Variants in CCDC92B observed in about 807,000 individuals in gnomAD.
CCDC92B encodes the protein coiled-coil domain-containing 92B.
CCDC92B carries 2 observed loss-of-function variants against 5.6 expected under a neutral mutation model. That is an observed-to-expected ratio of 0.36 (90% CI 0.15 to 1.12). The LOEUF is 1.12. Ranked by LOEUF, CCDC92B falls within the 50% of genes most tolerant of loss-of-function variation. The pLI, the probability that CCDC92B is intolerant of heterozygous loss-of-function variation, is 0.40. For missense variants in CCDC92B, 271 were observed against 262.2 expected, an observed-to-expected ratio of 1.03 and a Z score of -0.23; for synonymous variants, 115 against 122.3, an observed-to-expected ratio of 0.94 and a Z score of 0.39.
Position 2,724,614 on chromosome 17 carries a change from G to A in CCDC92B, c.565C>T (p.Arg189Trp), listed in dbSNP as rs1426843786. The change falls in exon 4 of 4, where the codon CGG (arginine) becomes TGG (tryptophan). Residue 189 changes from arginine to tryptophan, a missense_variant. Arg to Trp is a moderately radical substitution (Grantham distance 101). Coordinates refer to ENST00000614400, the MANE Select transcript of CCDC92B (RefSeq NM_001355573.2). The surrounding 1 kb of genome is among the most constrained non-coding windows in gnomAD (Gnocchi z 5.0). ...AHEAAAKGPG[R>W]DWAAWDRGAG... Reference sequence around the variant, plus strand: ...CCGCGGTCCCAGGCGGCCCAGTCCCGGCCGGGGCCCTTGGCGGCGGCCTCG... The same window carrying A: ...CCGCGGTCCCAGGCGGCCCAGTCCCAGCCGGGGCCCTTGGCGGCGGCCTCG... 1 of 981,722 alleles carries A rather than the reference G, an allele frequency of 1.0e-6. No homozygotes were observed. Among genetic ancestry groups the A allele is most frequent in the Non-Finnish European group, 1.2e-6 (1 of 828,342 alleles). 60.8% of individuals were successfully genotyped at this position (981,722 alleles called of 1,614,324 possible). A position where few individuals can be genotyped will look rare whatever the true frequency, so the allele number is the denominator to read the frequency against.
chr17:2,727,315 A>G (rs1597233593), intron 3 of CCDC92B, among the ~76,000 whole-genome samples: 3 of 152,134 alleles, frequency 2.0e-5, no homozygotes, highest in South Asian at 4.1e-4. Flanking sequence ...TGAAAGACCA[A>G]TTGCACCAGC....
chr17:2,724,128 G>A lies in CCDC92B; in HGVS notation c.*283C>T. 1.0e-6 allele frequency: 1 copy of A among 985,374 alleles called. No individual in the cohort carries two copies. The highest frequency in any genetic ancestry group is 1.7e-5 in the African/African-American group (1 of 57,354). 61.0% of individuals were successfully genotyped at this position (985,374 alleles called of 1,614,324 possible). A position where few individuals can be genotyped will look rare whatever the true frequency, so the allele number is the denominator to read the frequency against. ...GCCCCTCCTGTCTCACAGGCAGGTGGGACCAGGCCAGGATCGGGACGGCGA... is the reference window on the plus strand; with the variant it reads ...GCCCCTCCTGTCTCACAGGCAGGTGAGACCAGGCCAGGATCGGGACGGCGA... On this transcript the variant is annotated 3_prime_UTR_variant, in exon 4 of 4. Transcript: ENST00000614400. This position sits in a 1 kb window ranked among gnomAD's most constrained non-coding sequence, Gnocchi z 5.0.
chr17:2,735,524 G>A (rs887588098), intron 1 of CCDC92B, among the ~76,000 whole-genome samples: 4 of 152,236 alleles, frequency 2.6e-5, no homozygotes, highest in African/African-American at 9.6e-5. Flanking sequence ...TCCACCTCCT[G>A]GGTTCAAGCA....
chr17:2,736,457 AAGAAATAGGCC>A (rs1474527739), intron 1 of CCDC92B, among the ~76,000 whole-genome samples: 3 of 151,612 alleles, frequency 2.0e-5, no homozygotes, highest in African/African-American at 7.3e-5. Flanking sequence ...AATTAAATTA[AAGAAATAGGCC>A]AGCCGTGGTG....
chr17:2,736,920 T>C (rs1251482528), intron 1 of CCDC92B, among the ~76,000 whole-genome samples: 1 of 147,068 alleles, frequency 6.8e-6, no homozygotes, highest in African/African-American at 2.7e-5. Context: ...ATAAAATACA[T>C]ACATACATAT....
At chr17:2,748,342 G>C in intron 1 of CCDC92B, 1 of 978,924 alleles carries the variant, frequency 1.0e-6, no homozygotes, top group Non-Finnish European at 1.2e-6. Context: ...AAGATGGAAC[G>C]ACTCTCTCCC....
intron 2 of CCDC92B, among the ~76,000 whole-genome samples, chr17:2,734,053 C>T (rs1216425463): frequency 6.6e-6 from 1 of 152,100 alleles, no homozygotes; most frequent in African/African-American, 2.4e-5. Context: ...AGCCACCGTG[C>T]CTGGCCTCCA....
Position 2,724,729 on chromosome 17 carries a change from T to C in CCDC92B, c.450A>G (p.Arg150=). 3 of 984,032 alleles carry C rather than the reference T, an allele frequency of 3.0e-6. No individual in the cohort carries two copies. The highest frequency in any genetic ancestry group is 3.6e-6 in the Non-Finnish European group (3 of 829,294). The allele number at this position is 984,032 out of a possible 1,614,324, so 61.0% of individuals were successfully genotyped here. ...CGGGGCCCGGGCGCGGGGCCTGCAG[T>C]CTCTGGCGCGCCGCGTGCAGCTGGC... ...LSCQLHAARQ[R]LQAPRPGPGA... The change falls in exon 4 of 4, where the codon AGA becomes AGG. Residue 150 remains arginine, a synonymous_variant. Transcript: ENST00000614400. This position sits in a 1 kb window ranked among gnomAD's most constrained non-coding sequence, Gnocchi z 5.0.
chr17:2,734,494 CTTT>C (rs10708468), intron 2 of CCDC92B, among the ~76,000 whole-genome samples: 2 of 144,420 alleles, frequency 1.4e-5, no homozygotes, highest in Non-Finnish European at 1.5e-5. Context: ...CTAACCAGAG[CTTT>C]TTTTTTTTTT....
intron 1 of CCDC92B, among the ~76,000 whole-genome samples, chr17:2,739,279 A>ACGGCG: frequency 6.6e-6 from 1 of 150,836 alleles, no homozygotes; most frequent in African/African-American, 2.4e-5. Context: ...AGGCAGGAGA[A>ACGGCG]TTGTTTGAAC....
Position 2,728,597 on chromosome 17 carries a change from C to T in CCDC92B, c.178+1849G>A, listed in dbSNP as rs578050316. ...CAGCCTGGGCGACAGAGCGAGACTC[C>T]GTCTCAAAAAAAAAAAACAAAAAAA... is the stretch of plus-strand genomic sequence containing the variant. On this transcript the variant is annotated intron_variant, in intron 3 of 3. Transcript: ENST00000614400. Among the ~76,000 whole-genome samples, 7 of 129,554 alleles carry T rather than the reference C, an allele frequency of 5.4e-5. No homozygotes were observed. The East Asian group carries it at 1.1e-3, about 20-fold the overall frequency. The allele number at this position is 129,554 out of a possible 152,430, so 85.0% of individuals were successfully genotyped here. A position where few individuals can be genotyped will look rare whatever the true frequency, so the allele number is the denominator to read the frequency against.
intron 1 of CCDC92B, among the ~76,000 whole-genome samples, chr17:2,742,064 T>C (rs1182866895): frequency 1.3e-5 from 2 of 150,682 alleles, no homozygotes; most frequent in African/African-American, 5.0e-5. Flanking sequence ...AAGAACATGA[T>C]ATGATTTGCA....
At chr17:2,739,188 G>A (rs576178304) in intron 1 of CCDC92B, among the ~76,000 whole-genome samples, 15,862 of 148,298 alleles carry the variant, frequency 0.11, 2,484 homozygotes, top group African/African-American at 0.34. Context: ...TAACATGGTA[G>A]AACCCCATCT....
intron 1 of CCDC92B, among the ~76,000 whole-genome samples, chr17:2,747,410 C>T (rs1286924926): frequency 6.6e-6 from 1 of 152,072 alleles, no homozygotes; most frequent in Non-Finnish European, 1.5e-5. Flanking sequence ...TTAGATAGGA[C>T]AAGCATGGCG....
At chr17:2,748,876 C>T (rs2071020102) in intron 1 of CCDC92B, among the ~76,000 whole-genome samples, 1 of 152,166 alleles carries the variant, frequency 6.6e-6, no homozygotes, top group Admixed American at 6.5e-5. Context: ...TGGTCCTCTC[C>T]ACTCCGGAGC....
chr17:2,725,636 G>A (rs971595205), intron 3 of CCDC92B, among the ~76,000 whole-genome samples: 1 of 151,838 alleles, frequency 6.6e-6, no homozygotes, highest in Non-Finnish European at 1.5e-5. Context: ...GTTAGGTATT[G>A]GAGATAGGGC....
chr17:2,748,013 C>T (rs2071007168), intron 1 of CCDC92B: 1 of 432,466 alleles, frequency 2.3e-6, no homozygotes. Context: ...GTAGTTTGCT[C>T]AGTATCTGCA....
At chr17:2,739,571 A>G (rs1431330690) in intron 1 of CCDC92B, among the ~76,000 whole-genome samples, 1 of 151,722 alleles carries the variant, frequency 6.6e-6, no homozygotes, top group East Asian at 1.9e-4. Context: ...AGTCCCAGCT[A>G]CTGAGGAGGC....
intron 1 of CCDC92B, among the ~76,000 whole-genome samples, chr17:2,746,986 T>C (rs1333268848): frequency 6.6e-6 from 1 of 152,150 alleles, no homozygotes; most frequent in African/African-American, 2.4e-5. Context: ...AACCAGCAGT[T>C]TGAAAACCTC....
Sources: gnomAD v4.1 joint callset for allele counts (sites outside exome capture counted in the v4.1 genomes callset) on GRCh38, gnomAD v4.1.1 for gene constraint, Gnocchi (gnomAD v3.1) non-coding constraint, MANE v1.5 for transcripts, NCBI Gene and HGNC (gene_info 2026-07-23, HGNC 2026-07-21) for gene names.